The following FAF1 variants were observed in gnomAD, a reference collection of about 807,000 sequenced individuals.
FAF1 encodes Fas associated factor 1.
Under a neutral mutation model 92.5 loss-of-function variants are expected in FAF1, and 25 were observed. The ratio of observed to expected loss-of-function variants is 0.27; its 90% CI spans 0.20 to 0.38. The LOEUF is 0.38. Ranked by LOEUF, FAF1 falls within the 10% of genes least tolerant of loss-of-function variation. FAF1 has a pLI of 1.00. For missense variants in FAF1, 636 were observed against 793.3 expected (o/e 0.80, Z 2.38); for synonymous variants, 234 against 273.2 (o/e 0.86, Z 1.42).
intron 8 of FAF1, among the ~76,000 whole-genome samples, chr1:50,644,650 C>T (rs762713905): frequency 1.3e-5 from 2 of 152,222 alleles, no homozygotes; most frequent in African/African-American, 2.4e-5. Flanking sequence ...AAGTTGCCTC[C>T]AGGCAGAATT....
At chr1:50,812,157 G>A (rs2124606783) in intron 2 of FAF1, among the ~76,000 whole-genome samples, 2 of 152,220 alleles carry the variant, frequency 1.3e-5, no homozygotes, top group Middle Eastern at 6.8e-3. Context: ...AAGATTTCAT[G>A]ACAAACACGC....
chr1:50,522,250 A>ATG (rs760198563), intron 15 of FAF1, among the ~76,000 whole-genome samples: 26 of 152,192 alleles, frequency 1.7e-4, no homozygotes, highest in Non-Finnish European at 3.2e-4. Flanking sequence ...AATCTTTAAT[A>ATG]TAATTGTACC....
At chr1:50,443,983 T>C (rs748674964) in intron 18 of FAF1, among the ~76,000 whole-genome samples, 120 of 152,268 alleles carry the variant, frequency 7.9e-4, no homozygotes, top group Admixed American at 2.7e-3. Flanking sequence ...TGTGTCACCA[T>C]TGGATTGCTT....
intron 2 of FAF1, among the ~76,000 whole-genome samples, chr1:50,807,202 T>C (rs769537398): frequency 2.6e-5 from 4 of 152,272 alleles, no homozygotes; most frequent in African/African-American, 4.8e-5. Context: ...AAGAATCTGA[T>C]AGAGCTGAAA....
intron 1 of FAF1, among the ~76,000 whole-genome samples, chr1:50,900,542 C>T (rs1347435008): frequency 2.0e-5 from 3 of 152,100 alleles, no homozygotes; most frequent in Non-Finnish European, 4.4e-5. Context: ...CAAATTCACA[C>T]ACTTTGAATT....
chr1:50,456,066 C>A (rs555319045), intron 18 of FAF1, among the ~76,000 whole-genome samples: 92 of 152,086 alleles, frequency 6.0e-4, no homozygotes, highest in African/African-American at 2.0e-3. Flanking sequence ...CAGAGTGAGA[C>A]CCTGCTTTAA....
rs554018793 is a variant in FAF1 at position 50,893,029 on chromosome 1, CT to C, written c.46-35033del. ...AATTGCATTTTCAACTCCAGAGTTTCTGCTTGATTCTTTTTTAATTAATTCA... is the reference window on the plus strand; with the variant it reads ...AATTGCATTTTCAACTCCAGAGTTTCGCTTGATTCTTTTTTAATTAATTCA... On this transcript the variant is annotated intron_variant, in intron 1 of 18. Coordinates refer to ENST00000396153, the MANE Select transcript of FAF1 (RefSeq NM_007051.3). Among the ~76,000 whole-genome samples, 146 of 152,216 alleles carry C rather than the reference CT, an allele frequency of 9.6e-4. 2 individuals carry two copies. The highest frequency in any genetic ancestry group is 3.5e-3 in the African/African-American group (145 of 41,532).
At chr1:50,817,702 T>C (rs1171777241) in intron 2 of FAF1, among the ~76,000 whole-genome samples, 1 of 152,086 alleles carries the variant, frequency 6.6e-6, no homozygotes, top group Non-Finnish European at 1.5e-5. Flanking sequence ...AAATAGAGAT[T>C]CACTACTAAC....
At chr1:50,549,604 G>A (rs148951333) in intron 13 of FAF1, among the ~76,000 whole-genome samples, 66 of 151,974 alleles carry the variant, frequency 4.3e-4, no homozygotes, top group African/African-American at 1.5e-3. Flanking sequence ...GTGAAACCCC[G>A]TCTCTACTGA....
chr1:50,649,597 C>T (rs552585802), intron 8 of FAF1, among the ~76,000 whole-genome samples: 3 of 151,998 alleles, frequency 2.0e-5, no homozygotes, highest in African/African-American at 4.8e-5. Context: ...TTTCTCAATT[C>T]TGAGTGAATA....
chr1:50,739,459 CAT>C (rs1315520658), intron 5 of FAF1, among the ~76,000 whole-genome samples: 1 of 151,998 alleles, frequency 6.6e-6, no homozygotes, highest in African/African-American at 2.4e-5. Context: ...CACACATACA[CAT>C]ATATAAAATG....
intron 13 of FAF1, 45 bp from the exon 14 acceptor site, chr1:50,539,773 A>G: frequency 7.0e-7 from 1 of 1,433,002 alleles, no homozygotes; most frequent in Non-Finnish European, 9.8e-7. Flanking sequence ...TTGTAGTTTA[A>G]TAGATTTACT....
intron 6 of FAF1, among the ~76,000 whole-genome samples, chr1:50,724,314 C>T (rs986895627): frequency 2.0e-5 from 3 of 148,324 alleles, no homozygotes; most frequent in African/African-American, 7.7e-5. Context: ...CACACACACA[C>T]ACACACACAC....
chr1:50,529,198 A>G (rs929468765), intron 15 of FAF1, among the ~76,000 whole-genome samples: 4 of 152,164 alleles, frequency 2.6e-5, no homozygotes, highest in African/African-American at 9.7e-5. Context: ...TACTATATTC[A>G]TCATTACTTT....
intron 7 of FAF1, among the ~76,000 whole-genome samples, chr1:50,701,074 C>T (rs531496402): frequency 6.6e-6 from 1 of 152,126 alleles, no homozygotes; most frequent in South Asian, 2.1e-4. Context: ...GATGCATAAT[C>T]GTCTTTTCTG....
chr1:50,616,690 T>G (rs1343754469), intron 8 of FAF1, among the ~76,000 whole-genome samples: 2 of 151,806 alleles, frequency 1.3e-5, no homozygotes, highest in Non-Finnish European at 2.9e-5. Flanking sequence ...GATTTTTTTT[T>G]TTTTTTTTGA....
chr1:50,939,813 T>C (rs545414733), intron 1 of FAF1, among the ~76,000 whole-genome samples: 3 of 152,380 alleles, frequency 2.0e-5, no homozygotes, highest in Non-Finnish European at 2.9e-5. Flanking sequence ...TCTGTTTATG[T>C]GGTGAATCAC....
chr1:50,665,565 T>C (rs1655579569), intron 7 of FAF1, among the ~76,000 whole-genome samples: 1 of 152,206 alleles, frequency 6.6e-6, no homozygotes, highest in African/African-American at 2.4e-5. Context: ...CTACTGTCTG[T>C]TTCTGTCCAT....
intron 15 of FAF1, among the ~76,000 whole-genome samples, chr1:50,519,337 A>G (rs1647368571): frequency 7.2e-6 from 1 of 138,744 alleles, no homozygotes; most frequent in African/African-American, 2.7e-5. Context: ...GAAAGAAAGA[A>G]AGGAAGGAAT....
Sources: allele counts gnomAD v4.1 joint callset (sites outside exome capture counted in the v4.1 genomes callset), GRCh38; gene constraint gnomAD v4.1.1; transcripts MANE v1.5; gene names NCBI Gene and HGNC (gene_info 2026-07-23, HGNC 2026-07-21).